TRIM2: variants seen among roughly 807,000 people sequenced by gnomAD.
TRIM2 encodes tripartite motif containing 2.
In TRIM2, 20 loss-of-function variants were observed where a neutral mutation model predicts 75.2. That is an observed-to-expected ratio of 0.27 (90% CI 0.19 to 0.39). TRIM2 has a LOEUF of 0.39. Among genes scored for constraint, TRIM2 ranks in the 10% least tolerant of loss-of-function variants. TRIM2 has a pLI of 1.00. For synonymous variants in TRIM2, 373 were observed against 388.3 expected, an observed-to-expected ratio of 0.96 and a Z score of 0.46; for missense variants, 660 against 990.8, an observed-to-expected ratio of 0.67 and a Z score of 4.48.
chr4:153,152,411 T>TAC (rs1728812378), upstream of TRIM2: 5 of 14,900 alleles, frequency 3.4e-4, no homozygotes, highest in Non-Finnish European at 6.9e-4. Flanking sequence ...TATGTGTGTA[T>TAC]ATATATATAT....
In TRIM2 at chr4:153,256,045, G is replaced by A. The variant is rs146719011; in HGVS notation, c.31-14290G>A. The stretch of plus-strand genomic sequence containing the variant: ...TGTTCCAAAATTGGCTGTGGTAATA[G>A]TTGCCCACATCTATGAATATACTAA... On this transcript the variant is annotated intron_variant, in intron 1 of 11. Coordinates refer to ENST00000338700, the MANE Select transcript of TRIM2 (RefSeq NM_015271.5). Among the ~76,000 whole-genome samples the A allele has an allele frequency of 2.2e-3, 338 of 152,232 alleles. 1 individual carries two copies. The highest frequency in any genetic ancestry group is 7.7e-3 in the African/African-American group (320 of 41,534).
chr4:153,253,254 T>C lies in TRIM2; in HGVS notation c.31-17081T>C, dbSNP rs180860251. 3.6e-3 allele frequency among the ~76,000 whole-genome samples: 552 copies of C among 152,266 alleles called. 5 individuals are homozygous for C. Among genetic ancestry groups the C allele is most frequent in the South Asian group, 0.011 (52 of 4,822 alleles). On this transcript the variant is annotated intron_variant, in intron 1 of 11. Coordinates refer to ENST00000338700, the MANE Select transcript of TRIM2 (RefSeq NM_015271.5). The stretch of plus-strand genomic sequence containing the variant: ...ACAAGTGGTAAGTGAGCCTAGAGAT[T>C]AGTGTTTCTCAAAGGAGATGCTACT...
At chr4:153,239,322 A>G (rs908146688) in intron 1 of TRIM2, among the ~76,000 whole-genome samples, 1 of 150,518 alleles carries the variant, frequency 6.6e-6, no homozygotes, top group African/African-American at 2.5e-5. Context: ...ACTGCACTCC[A>G]GCCTAGGAGA....
chr4:153,256,250 T>C (rs1752042344), intron 1 of TRIM2, among the ~76,000 whole-genome samples: 1 of 152,214 alleles, frequency 6.6e-6, no homozygotes, highest in Admixed American at 6.5e-5. Context: ...CTGGGGTCTG[T>C]CAATTTTGCT....
chr4:153,278,459 C>T (rs566685471), intron 3 of TRIM2, among the ~76,000 whole-genome samples: 2 of 152,294 alleles, frequency 1.3e-5, no homozygotes, highest in African/African-American at 4.8e-5. Context: ...TACATGACAG[C>T]CCCTTCATAT....
chr4:153,161,102 T>G (rs1729698006), intron 1 of TRIM2, among the ~76,000 whole-genome samples: 1 of 152,246 alleles, frequency 6.6e-6, no homozygotes, highest in Non-Finnish European at 1.5e-5. Context: ...CATTTACTGC[T>G]CATTCTCTAG....
At chr4:153,239,382 A>T (rs1745904995) in intron 1 of TRIM2, among the ~76,000 whole-genome samples, 1 of 150,272 alleles carries the variant, frequency 6.7e-6, no homozygotes, top group African/African-American at 2.4e-5. Context: ...TCTGGCTTTG[A>T]TAGAATTGTT....
chr4:153,232,949 C>CCTCCT (rs1201795290), intron 1 of TRIM2, among the ~76,000 whole-genome samples: 2 of 152,046 alleles, frequency 1.3e-5, no homozygotes, highest in Non-Finnish European at 2.9e-5. Context: ...GTGACAGAGC[C>CCTCCT]GGGTGGAGCT....
intron 1 of TRIM2, among the ~76,000 whole-genome samples, chr4:153,247,404 G>A (rs918466647): frequency 3.9e-5 from 6 of 152,180 alleles, no homozygotes; most frequent in African/African-American, 1.2e-4. Flanking sequence ...CACCAGGCGC[G>A]GTCACTCACG....
chr4:153,171,299 AT>A, intron 1 of TRIM2, among the ~76,000 whole-genome samples: 1 of 152,304 alleles, frequency 6.6e-6, no homozygotes, highest in Middle Eastern at 3.4e-3. Context: ...CTCAGTATGA[AT>A]TGGGGCTAGA....
Position 153,293,045 on chromosome 4 carries a change from C to G in TRIM2, c.517C>G (p.His173Asp). ...AMCRECTEGE[H>D]AEHPTVPLKD... ...GTGTCGGGAGTGCACGGAGGGGGAG[C>G]ACGCAGAGCACCCCACAGTTCCACT... Residue 173 changes from histidine (H) to aspartate (D), a missense_variant, in exon 4 of 12, where the codon CAC becomes GAC. Physicochemically the swap from His to Asp is moderately conservative, Grantham distance 81. Transcript: ENST00000338700. 6.2e-7 allele frequency: 1 copy of G among 1,613,804 alleles called. No homozygotes were observed. Among genetic ancestry groups the G allele is most frequent in the Non-Finnish European group, 8.5e-7 (1 of 1,179,776 alleles).
chr4:153,319,894 TTTAAG>T (rs947898267), intron 8 of TRIM2, among the ~76,000 whole-genome samples: 4 of 152,158 alleles, frequency 2.6e-5, no homozygotes, highest in African/African-American at 7.2e-5. Context: ...TGGTTCAATG[TTTAAG>T]TTATTCTTTC....
chr4:153,327,758 T>C (rs1231523108), intron 10 of TRIM2, among the ~76,000 whole-genome samples: 4 of 152,214 alleles, frequency 2.6e-5, no homozygotes, highest in African/African-American at 9.6e-5. Flanking sequence ...TGCTTGACCA[T>C]ATCAGATGTT....
rs1419320337 is a variant in TRIM2, at chr4:153,204,443, G to C, written c.-88G>C. The C allele has an allele frequency of 1.3e-6, 2 of 1,487,222 alleles. No individual in the cohort carries two copies. The highest frequency in any genetic ancestry group is 2.5e-5 in the East Asian group (1 of 40,578). The allele number at this position is 1,487,222 out of a possible 1,614,324, so 92.1% of individuals were successfully genotyped here. A position where few individuals can be genotyped will look rare whatever the true frequency, so the allele number is the denominator to read the frequency against. ...TTTAGTAAGGGCCACCCTTTAACTC[G>C]GCAGCTTGATGACTATAATGGGCCC... On this transcript the variant is annotated 5_prime_UTR_variant, in exon 1 of 12. Coordinates refer to ENST00000338700, the MANE Select transcript of TRIM2 (RefSeq NM_015271.5).
At chr4:153,178,318 G>A (rs1053626124) in intron 1 of TRIM2, among the ~76,000 whole-genome samples, 1 of 152,054 alleles carries the variant, frequency 6.6e-6, no homozygotes. Context: ...ACCCCACGCC[G>A]AACTCTGTGG....
At chr4:153,177,707 CTCCTTCCTTCCTTCCTTCCTTCCT>C (rs60499669) in intron 1 of TRIM2, among the ~76,000 whole-genome samples, 2 of 133,884 alleles carry the variant, frequency 1.5e-5, no homozygotes, top group South Asian at 2.7e-4. Context: ...TGGTGGCTCG[CTCCTTCCTTCCTTCCTTCCTTCCT>C]TCCTTCCTTC....
At chr4:153,199,281 C>T (rs1430630829) in intron 1 of TRIM2, among the ~76,000 whole-genome samples, 2 of 152,120 alleles carry the variant, frequency 1.3e-5, no homozygotes, top group Admixed American at 1.3e-4. Flanking sequence ...AGGGGTTTAC[C>T]TATGTTAAAA....
At chr4:153,205,093 C>T (rs1298224074) in intron 1 of TRIM2, among the ~76,000 whole-genome samples, 1 of 152,180 alleles carries the variant, frequency 6.6e-6, no homozygotes, top group Non-Finnish European at 1.5e-5. Flanking sequence ...AGTTTTACTG[C>T]CCCATAAAAG....
At chr4:153,286,991 T>C (rs765258713) in intron 3 of TRIM2, among the ~76,000 whole-genome samples, 2 of 152,128 alleles carry the variant, frequency 1.3e-5, no homozygotes, top group African/African-American at 2.4e-5. Flanking sequence ...CTCTCTCTCT[T>C]TTTTTAAGAG....
Sources: allele counts gnomAD v4.1 joint callset (sites outside exome capture counted in the v4.1 genomes callset), GRCh38; gene constraint gnomAD v4.1.1; transcripts MANE v1.5; gene names NCBI Gene and HGNC (gene_info 2026-07-23, HGNC 2026-07-21).